The following NTRK2 variants were observed in gnomAD, a reference collection of about 807,000 sequenced individuals.
NTRK2 encodes neurotrophic receptor tyrosine kinase 2, also known as BDNF/NT-3 growth factors receptor.
In NTRK2, 13 loss-of-function variants were observed where a neutral mutation model predicts 94.5. That is an observed-to-expected ratio of 0.14 (90% confidence interval 0.09 to 0.22). NTRK2 has a LOEUF of 0.22. NTRK2 is among the 10% of genes least tolerant of loss of function. The pLI is 1.00. For missense variants in NTRK2, 639 were observed against 1,071.2 expected, an observed-to-expected ratio of 0.60 and a Z score of 5.63; for synonymous variants, 372 against 407.4, an observed-to-expected ratio of 0.91 and a Z score of 1.05.
chr9:84,823,046 AC>A (rs1355710215), intron 12 of NTRK2, among the ~76,000 whole-genome samples: 1 of 151,698 alleles, frequency 6.6e-6, no homozygotes, highest in Non-Finnish European at 1.5e-5. Flanking sequence ...TCCTTAAATG[AC>A]CTACTGTCAG....
chr9:84,680,253 T>G (rs186563483), intron 2 of NTRK2, among the ~76,000 whole-genome samples: 8 of 152,336 alleles, frequency 5.3e-5, no homozygotes, highest in Admixed American at 5.2e-4. Flanking sequence ...GAGCAGCTTA[T>G]ATCTAGCAAG....
At chr9:84,909,532 C>G (rs1238781891) in intron 14 of NTRK2, among the ~76,000 whole-genome samples, 1 of 151,890 alleles carries the variant, frequency 6.6e-6, no homozygotes, top group Non-Finnish European at 1.5e-5. Context: ...TGACTGTACC[C>G]TTTAACATTT....
At chr9:84,998,862 T>A (rs931986504) in intron 17 of NTRK2, among the ~76,000 whole-genome samples, 3 of 152,234 alleles carry the variant, frequency 2.0e-5, no homozygotes, top group African/African-American at 7.2e-5. Flanking sequence ...CAGGCTCAGA[T>A]GATGTCATTC....
intron 17 of NTRK2, among the ~76,000 whole-genome samples, chr9:85,011,485 G>A (rs756884750): frequency 6.6e-6 from 1 of 152,122 alleles, no homozygotes; most frequent in Admixed American, 6.5e-5. Context: ...CATAAGAGTG[G>A]GTCCCGGATC....
chr9:85,011,227 C>T (rs1332050624), intron 17 of NTRK2, among the ~76,000 whole-genome samples: 1 of 151,962 alleles, frequency 6.6e-6, no homozygotes, highest in Non-Finnish European at 1.5e-5. Context: ...TGGGTCTTCA[C>T]TTGGGAATAT....
At chr9:84,881,351 TGGA>T in intron 14 of NTRK2, among the ~76,000 whole-genome samples, 1 of 152,350 alleles carries the variant, frequency 6.6e-6, no homozygotes, top group Middle Eastern at 3.4e-3. Context: ...ATGTCTCTGT[TGGA>T]TGATGAACGT....
chr9:84,719,839 C>T (rs978276260), intron 6 of NTRK2, among the ~76,000 whole-genome samples: 16 of 151,684 alleles, frequency 1.1e-4, no homozygotes, highest in Non-Finnish European at 2.2e-4. Context: ...GGCAATGTGG[C>T]GAAACCGCAT....
intron 14 of NTRK2, among the ~76,000 whole-genome samples, chr9:84,885,547 A>T (rs1276184137): frequency 6.6e-6 from 1 of 152,184 alleles, no homozygotes; most frequent in South Asian, 2.1e-4. Context: ...GAGAAGCATC[A>T]TGTCGAACAC....
intron 14 of NTRK2, among the ~76,000 whole-genome samples, chr9:84,924,612 G>A (rs895386533): frequency 6.6e-6 from 1 of 152,228 alleles, no homozygotes; most frequent in Non-Finnish European, 1.5e-5. Flanking sequence ...AGCGAAGGAT[G>A]TACCGTATGT....
intron 16 of NTRK2, among the ~76,000 whole-genome samples, chr9:84,953,991 T>C (rs1228056886): frequency 6.6e-6 from 1 of 152,112 alleles, no homozygotes; most frequent in Non-Finnish European, 1.5e-5. Flanking sequence ...GTGGCTTGAA[T>C]AGTTGGGGGA....
chr9:84,861,220 A>T, intron 13 of NTRK2, 133 bp downstream of exon 13: 1 of 727,054 alleles, frequency 1.4e-6, no homozygotes, highest in Non-Finnish European at 2.3e-6. Context: ...TGATTTGTTG[A>T]AGAAGTAGGT....
At chr9:84,974,835 C>A (rs1490149751) in intron 17 of NTRK2, among the ~76,000 whole-genome samples, 1 of 152,162 alleles carries the variant, frequency 6.6e-6, no homozygotes, top group Non-Finnish European at 1.5e-5. Flanking sequence ...TAAGCAGCCT[C>A]AAGGAAGTCG....
chr9:84,942,876 A>C (rs2078460503), intron 15 of NTRK2, among the ~76,000 whole-genome samples: 1 of 152,154 alleles, frequency 6.6e-6, no homozygotes, highest in South Asian at 2.1e-4. Flanking sequence ...GTGCACATCC[A>C]GAAGCCATCA....
chr9:84,876,292 A>G (rs2076064540), intron 14 of NTRK2: 5 of 1,045,774 alleles, frequency 4.8e-6, no homozygotes, highest in Non-Finnish European at 5.8e-6. Context: ...GAATGCCTTT[A>G]CTAGAGATTA....
At chr9:84,860,598 C>T (rs1029959684) in intron 12 of NTRK2, among the ~76,000 whole-genome samples, 17 of 152,238 alleles carry the variant, frequency 1.1e-4, no homozygotes, top group African/African-American at 4.1e-4. Flanking sequence ...GGTTCAGAAC[C>T]GTAGTGCATT....
At chr9:84,851,571 C>A (rs958275831) in intron 12 of NTRK2, among the ~76,000 whole-genome samples, 1 of 152,078 alleles carries the variant, frequency 6.6e-6, no homozygotes, top group Non-Finnish European at 1.5e-5. Context: ...TTGTGTTGGC[C>A]TCACACATTT....
Position 84,692,468 on chromosome 9 carries a change from C to CT in NTRK2, c.213-9671dup, listed in dbSNP as rs71369138. 6.0e-3 allele frequency among the ~76,000 whole-genome samples: 522 copies of CT among 87,642 alleles called. 12 individuals are homozygous for CT. Among genetic ancestry groups the CT allele is most frequent in the African/African-American group, 0.011 (256 of 22,786 alleles). 57.5% of individuals were successfully genotyped at this position (87,642 alleles called of 152,430 possible). A position where few individuals can be genotyped will look rare whatever the true frequency, so the allele number is the denominator to read the frequency against. The stretch of plus-strand genomic sequence containing the variant: ...TTTCTTTTCTTTTTTTTCTTTTTTT[C>CT]TTTTTTTTTTTTTTTTTTTTGAGAC... On this transcript the variant is annotated intron_variant, in intron 2 of 18. Coordinates refer to ENST00000277120, the MANE Select transcript of NTRK2 (RefSeq NM_006180.6).
intron 2 of NTRK2, among the ~76,000 whole-genome samples, chr9:84,677,390 C>T (rs968981631): frequency 2.6e-5 from 4 of 152,146 alleles, no homozygotes; most frequent in African/African-American, 2.4e-5. Flanking sequence ...AAAATTCATC[C>T]AGCTACCATT....
In NTRK2 at chr9:84,870,197, T is replaced by C. The variant is rs1251887508; in HGVS notation, c.1633+2766T>C. On this transcript the variant is annotated intron_variant, in intron 14 of 18. Transcript: ENST00000277120. ...ATATACACACATATATAAGTATATGTACATATACCTATATGCACACATATA... is the reference window on the plus strand; with the variant it reads ...ATATACACACATATATAAGTATATGCACATATACCTATATGCACACATATA... Among the ~76,000 whole-genome samples, 4 of 142,708 alleles carry C rather than the reference T, an allele frequency of 2.8e-5. No homozygotes were observed. In the East Asian group the frequency reaches 8.2e-4, roughly 29 times the overall value. The allele number at this position is 142,708 out of a possible 152,430, so 93.6% of individuals were successfully genotyped here. A position where few individuals can be genotyped will look rare whatever the true frequency, so the allele number is the denominator to read the frequency against.
Sources: gnomAD v4.1 joint callset for allele counts (sites outside exome capture counted in the v4.1 genomes callset) on GRCh38, gnomAD v4.1.1 for gene constraint, MANE v1.5 for transcripts, NCBI Gene and HGNC (gene_info 2026-07-23, HGNC 2026-07-21) for gene names.